Variants in PHIP observed in about 807,000 individuals in gnomAD.
PHIP encodes the protein PH-interacting protein.
A neutral mutation model predicts 236.8 loss-of-function variants in PHIP; 54 were observed. The observed-to-expected ratio is 0.23, with a 90% CI of 0.18 to 0.29. The LOEUF is 0.29. PHIP is among the 10% of genes least tolerant of loss of function. The pLI is 1.00. For missense variants in PHIP, 1,370 were observed against 2,190.8 expected, an observed-to-expected ratio of 0.63 and a Z score of 7.48; for synonymous variants, 756 against 718.9, an observed-to-expected ratio of 1.05 and a Z score of -0.83.
intron 24 of PHIP, among the ~76,000 whole-genome samples, chr6:78,978,133 T>C (rs558644211): frequency 3.8e-4 from 58 of 152,204 alleles, no homozygotes; most frequent in African/African-American, 1.4e-3. Context: ...AAATAGTATT[T>C]CTTATTCTAA....
chr6:78,936,844 T>C lies in PHIP; in HGVS notation c.*3849A>G, dbSNP rs980624576. ...CTTTGCTCAGTATAATTAACAAAAA[T>C]AGTTTCTTAGTAAATGTAATATTAA... On this transcript the variant is annotated 3_prime_UTR_variant, in exon 40 of 40. Transcript: ENST00000275034. The C allele has an allele frequency of 6.6e-6, 1 of 151,776 alleles. No homozygotes were observed. The highest frequency in any genetic ancestry group is 1.5e-5 in the Non-Finnish European group (1 of 67,722). 9.4% of individuals were successfully genotyped at this position (151,776 alleles called of 1,614,324 possible).
At chr6:78,995,713 G>C (rs964966429) in intron 19 of PHIP, among the ~76,000 whole-genome samples, 2 of 152,112 alleles carry the variant, frequency 1.3e-5, no homozygotes, top group Non-Finnish European at 2.9e-5. Flanking sequence ...TCTCCGGTTG[G>C]ATTCTGTTGT....
intron 36 of PHIP, among the ~76,000 whole-genome samples, chr6:78,947,078 C>T (rs993952029): frequency 1.3e-5 from 2 of 152,064 alleles, no homozygotes; most frequent in African/African-American, 4.8e-5. Context: ...GAACAGAAAT[C>T]TTCCAAGTTT....
At chr6:78,992,198 G>A (rs1221823525) in intron 19 of PHIP, among the ~76,000 whole-genome samples, 1 of 151,944 alleles carries the variant, frequency 6.6e-6, no homozygotes, top group African/African-American at 2.4e-5. Context: ...TCCTGACCTC[G>A]TGATCCCCCC....
chr6:78,985,021 A>T (rs1007224371), intron 22 of PHIP, among the ~76,000 whole-genome samples: 5 of 148,434 alleles, frequency 3.4e-5, no homozygotes, highest in Non-Finnish European at 5.9e-5. Context: ...TAAGATAGTT[A>T]ACTCAGGAGG....
chr6:79,015,032 A>G (rs1435432352), intron 15 of PHIP, 50 bp downstream of exon 15: 3 of 1,519,916 alleles, frequency 2.0e-6, no homozygotes, highest in Non-Finnish European at 2.7e-6. Flanking sequence ...ACCTTTGTCA[A>G]AAAGCTCCCA....
chr6:78,946,136 C>G lies in PHIP; in HGVS notation c.4495G>C (p.Glu1499Gln), dbSNP rs1483958249. 20 of 1,613,942 alleles carry G rather than the reference C, an allele frequency of 1.2e-5. No individual in the cohort carries two copies. Among genetic ancestry groups the G allele is most frequent in the Non-Finnish European group, 1.6e-5 (19 of 1,179,976 alleles). Residue 1499 changes from glutamate to glutamine, a missense_variant, in exon 38 of 40, where the codon GAA becomes CAA. Transcript: ENST00000275034. ...CTGGTTCGAACCACAGAACTAGATT[C>G]TGTTTTACCGTTTATCTGAGCAGCA... ...HNAAQINGKT[E>Q]SSSVVRTRSN...
chr6:78,967,660 G>A (rs1487468566), intron 27 of PHIP, among the ~76,000 whole-genome samples: 1 of 152,052 alleles, frequency 6.6e-6, no homozygotes, highest in Non-Finnish European at 1.5e-5. Flanking sequence ...CCATAAATTA[G>A]AATAAAATTG....
intron 37 of PHIP, chr6:78,946,467 C>T: frequency 7.2e-7 from 1 of 1,398,472 alleles, no homozygotes; most frequent in Non-Finnish European, 9.2e-7. Flanking sequence ...TGACGGAAAG[C>T]ATGATGCCAT....
In PHIP at chr6:78,946,811, C is replaced by A; in HGVS notation, c.4270G>T (p.Asp1424Tyr). 6.3e-7 allele frequency: 1 copy of A among 1,590,388 alleles called. No homozygotes were observed. The highest frequency in any genetic ancestry group is 8.6e-7 in the Non-Finnish European group (1 of 1,168,426). Reference sequence around the variant, plus strand: ...TGAAAACGAAGAGCAGATTTATAATCTGATAAAACTGAACTAATGTGTTCT... The same window carrying A: ...TGAAAACGAAGAGCAGATTTATAATATGATAAAACTGAACTAATGTGTTCT... ...FEEHISSVLS[D>Y]YKSALRFHKR... is the part of the protein sequence containing the mutation. Residue 1424 changes from aspartate to tyrosine, a missense_variant, in exon 37 of 40, where the codon GAT (aspartate) becomes TAT (tyrosine). Coordinates refer to ENST00000275034, the MANE Select transcript of PHIP (RefSeq NM_017934.7).
rs760663933 is a variant in PHIP at position 78,935,824 on chromosome 6, A to G, written c.*4869T>C. Reference sequence around the variant, plus strand: ...TACTAAGTGCTTTATGTGATGCCAAAAAACTTTAAAAAGCAAATAATAAAT... The same window carrying G: ...TACTAAGTGCTTTATGTGATGCCAAGAAACTTTAAAAAGCAAATAATAAAT... On this transcript the variant is annotated 3_prime_UTR_variant, in exon 40 of 40. Coordinates refer to ENST00000275034, the MANE Select transcript of PHIP (RefSeq NM_017934.7). 4 of 799,420 alleles carry G rather than the reference A, an allele frequency of 5.0e-6. No homozygotes were observed. Among genetic ancestry groups the G allele is most frequent in the Non-Finnish European group, 6.1e-6 (4 of 660,164 alleles). The allele number at this position is 799,420 out of a possible 1,614,324, so 49.5% of individuals were successfully genotyped here.
At chr6:78,961,662 G>A (rs922542917) in intron 31 of PHIP, 28 bp downstream of exon 31, 1 of 1,604,640 alleles carries the variant, frequency 6.2e-7, no homozygotes, top group East Asian at 2.2e-5. Context: ...GCTTTCCTTT[G>A]ATAGTAGCTA....
chr6:79,004,591 AAAC>A (rs1336586894), intron 15 of PHIP, among the ~76,000 whole-genome samples: 1 of 152,110 alleles, frequency 6.6e-6, no homozygotes, highest in African/African-American at 2.4e-5. Context: ...TGAATTTCAG[AAAC>A]AACTAAAATA....
chr6:78,961,280 T>C (rs931949723), intron 31 of PHIP, among the ~76,000 whole-genome samples: 5 of 151,828 alleles, frequency 3.3e-5, no homozygotes, highest in African/African-American at 1.2e-4. Flanking sequence ...ACAAAATACA[T>C]AATACGAATA....
In PHIP at chr6:78,997,479, T is replaced by C; in HGVS notation, c.2136A>G (p.Thr712=). Reference sequence around the variant, plus strand: ...GACTCCAAGCTACCAGATCCCGCTCTGTGGCTATTTCACTTCTTGGTGCGT... The same window carrying C: ...GACTCCAAGCTACCAGATCCCGCTCCGTGGCTATTTCACTTCTTGGTGCGT... ...HSNAPRSEIA[T]ERDLVAWSRR... is the part of the protein sequence containing the mutation. The change falls in exon 19 of 40, where the codon ACA becomes ACG. Residue 712 remains threonine (T), a synonymous_variant. Transcript: ENST00000275034. The C allele has an allele frequency of 1.2e-6, 2 of 1,614,090 alleles. No individual in the cohort carries two copies. The highest frequency in any genetic ancestry group is 3.3e-4 in the Middle Eastern group (2 of 6,060).
chr6:79,054,946 T>C (rs1053403264), intron 6 of PHIP, among the ~76,000 whole-genome samples: 5 of 151,486 alleles, frequency 3.3e-5, no homozygotes, highest in Admixed American at 1.3e-4. Context: ...TTTAAGACTT[T>C]TTTTTTTTTT....
At chr6:78,952,003 GTTTCAATATTTTCTTTTTGAC>G (rs1173949023) in intron 35 of PHIP, among the ~76,000 whole-genome samples, 1 of 152,096 alleles carries the variant, frequency 6.6e-6, no homozygotes, top group Non-Finnish European at 1.5e-5. Context: ...CTGTATGACT[GTTTCAATATTTTCTTTTTGAC>G]TTTCAATTGT....
At chr6:79,014,986 A>C (rs1430226679) in intron 15 of PHIP, 96 bp downstream of exon 15, 25 of 967,034 alleles carry the variant, frequency 2.6e-5, no homozygotes, top group Non-Finnish European at 3.5e-5. Flanking sequence ...ATAATGAACC[A>C]ATTTTTAAAT....
chr6:78,984,133 C>T (rs1354957991), intron 22 of PHIP, among the ~76,000 whole-genome samples: 1 of 152,102 alleles, frequency 6.6e-6, no homozygotes, highest in Non-Finnish European at 1.5e-5. Context: ...GTCACTAACC[C>T]TCCCCACTAC....
Sources: gnomAD v4.1 joint callset for allele counts (sites outside exome capture counted in the v4.1 genomes callset) on GRCh38, gnomAD v4.1.1 for gene constraint, MANE v1.5 for transcripts, NCBI Gene and HGNC (gene_info 2026-07-23, HGNC 2026-07-21) for gene names.